Variants in MLC1 observed in about 807,000 individuals in gnomAD.
MLC1 encodes the protein modulator of VRAC current 1.
Under a neutral mutation model 44.7 loss-of-function variants are expected in MLC1, and 32 were observed. The ratio of observed to expected loss-of-function variants is 0.72; its 90% CI spans 0.54 to 0.96. MLC1 has a LOEUF of 0.96. Among genes scored for constraint, MLC1 ranks in the 40% least tolerant of loss-of-function variants. The pLI is 0.00. For missense variants in MLC1, 459 were observed against 492.2 expected, an observed-to-expected ratio of 0.93 and a Z score of 0.64; for synonymous variants, 190 against 213.0, an observed-to-expected ratio of 0.89 and a Z score of 0.94.
At chr22:50,064,312 G>C in intron 10 of MLC1, 114 bp from the exon 11 acceptor site, 1 of 1,309,850 alleles carries the variant, frequency 7.6e-7, no homozygotes, top group South Asian at 1.3e-5. Context: ...GCTCGAGTCG[G>C]AGCCCCAGTA....
chr22:50,085,783 G>A (rs1189840300), upstream of MLC1: 1 of 152,046 alleles, frequency 6.6e-6, no homozygotes, highest in Non-Finnish European at 1.5e-5. Context: ...TCCTTCACAC[G>A]GTCACATAAG....
intron 9 of MLC1, 76 bp downstream of exon 9, chr22:50,070,451 C>T (rs1044508974): frequency 1.5e-5 from 20 of 1,360,358 alleles, no homozygotes; most frequent in Admixed American, 7.9e-5. Context: ...GGTCACATGG[C>T]ACCAAGGGAG....
At chr22:50,073,559 G>A (rs6010257) in intron 8 of MLC1, among the ~76,000 whole-genome samples, 3 of 151,984 alleles carry the variant, frequency 2.0e-5, no homozygotes, top group African/African-American at 7.2e-5. Context: ...GGCAAAACCC[G>A]GTCTCTACTA....
chr22:50,076,171 A>G (rs1280364208), intron 7 of MLC1, among the ~76,000 whole-genome samples: 1 of 148,300 alleles, frequency 6.7e-6, no homozygotes, highest in African/African-American at 2.5e-5. Flanking sequence ...AAAGCTAGGG[A>G]GAGAGAATGA....
chr22:50,073,093 A>G (rs919716319), intron 8 of MLC1, among the ~76,000 whole-genome samples: 19 of 151,060 alleles, frequency 1.3e-4, no homozygotes, highest in Non-Finnish European at 2.4e-4. Flanking sequence ...ACCCGGCCAT[A>G]CCATTCCCGG....
intron 11 of MLC1, among the ~76,000 whole-genome samples, chr22:50,062,474 A>G (rs1487520707): frequency 6.6e-6 from 1 of 152,252 alleles, no homozygotes; most frequent in East Asian, 1.9e-4. Context: ...GAGACTGACC[A>G]CAGCCAGGAA....
intron 6 of MLC1, 82 bp downstream of exon 6, chr22:50,077,319 G>A (rs1403956591): frequency 7.9e-7 from 1 of 1,261,172 alleles, no homozygotes; most frequent in African/African-American, 1.5e-5. Context: ...GGCCCTCCGA[G>A]GGTGACGCTG....
chr22:50,076,803 A>C (rs375795957), intron 7 of MLC1, 38 bp downstream of exon 7: 1 of 1,600,814 alleles, frequency 6.2e-7, no homozygotes, highest in African/African-American at 1.3e-5. Flanking sequence ...CCCCCGACAG[A>C]GTATGAGAGA....
rs8140595 is a variant in MLC1 at position 50,077,611 on chromosome 22, C to T, written c.424-109G>A. ...GCAGGCTGCGCAGGACTCTCAGCCACGGTCCCCACTTTTCCCATCCAGGGC... is the reference window on the plus strand; with the variant it reads ...GCAGGCTGCGCAGGACTCTCAGCCATGGTCCCCACTTTTCCCATCCAGGGC... On this transcript the variant is annotated intron_variant, in intron 5 of 11. Coordinates refer to ENST00000311597, the MANE Select transcript of MLC1 (RefSeq NM_015166.4). 3,306 of 867,856 alleles carry T rather than the reference C, an allele frequency of 3.8e-3. 66 individuals carry two copies. The African/African-American group carries it at 0.048, about 13-fold the overall frequency. The allele number at this position is 867,856 out of a possible 1,614,324, so 53.8% of individuals were successfully genotyped here. A position where few individuals can be genotyped will look rare whatever the true frequency, so the allele number is the denominator to read the frequency against.
At chr22:50,070,205 A>G (rs573537468) in intron 9 of MLC1, among the ~76,000 whole-genome samples, 1 of 152,318 alleles carries the variant, frequency 6.6e-6, no homozygotes, top group Admixed American at 6.5e-5. Flanking sequence ...TGCATCTCAA[A>G]AAAGAAAAAA....
In MLC1 at chr22:50,076,827, G is replaced by A. The variant is rs1167233128; in HGVS notation, c.597+14C>T. 6.2e-7 allele frequency: 1 copy of A among 1,612,218 alleles called. No individual in the cohort carries two copies. ...GAGTATGAGAGAAAAGAGAAAGAAG[G>A]GAAGTTTTCTTACTGAGTAAGATTT... On this transcript the variant is annotated intron_variant, in intron 7 of 11. Transcript: ENST00000311597.
Position 50,083,118 on chromosome 22 carries a change from G to A in MLC1, c.233C>T (p.Ala78Val). 6.2e-7 allele frequency: 1 copy of A among 1,614,124 alleles called. No individual in the cohort carries two copies. Among genetic ancestry groups the A allele is most frequent in the Non-Finnish European group, 8.5e-7 (1 of 1,180,024 alleles). ...FSLYLGNVFP[A>V]EMDYLRCAAG... ...AGCACAGCGCAAGTAATCCATCTCA[G>A]CCGGGAACACGTTCCCCAGGTACAG... The change falls in exon 3 of 12, where the codon GCT becomes GTT. Residue 78 changes from alanine to valine, a missense_variant. Coordinates refer to ENST00000311597, the MANE Select transcript of MLC1 (RefSeq NM_015166.4). This position sits in a 1 kb window ranked among gnomAD's most constrained non-coding sequence, Gnocchi z 4.6.
At position 50,083,035 on chromosome 22, in the gene MLC1, C is replaced by T. The variant is rs972963053; in HGVS notation, c.267+49G>A. On this transcript the variant is annotated intron_variant, in intron 3 of 11. Transcript: ENST00000311597. This position sits in a 1 kb window ranked among gnomAD's most constrained non-coding sequence, Gnocchi z 4.6. ...ATCTCAGAACAAAGAAACCAGAGCA[C>T]GTGCCGGCGAGCTTGGGCACTGGCA... 1.5e-5 allele frequency: 23 copies of T among 1,547,606 alleles called. No homozygotes were observed. Among genetic ancestry groups the T allele is most frequent in the Middle Eastern group, 1.7e-4 (1 of 5,988 alleles).
chr22:50,084,447 T>C (rs1370352521), intron 2 of MLC1, among the ~76,000 whole-genome samples: 1 of 152,184 alleles, frequency 6.6e-6, no homozygotes, highest in African/African-American at 2.4e-5. Context: ...TGGAGACTCC[T>C]GGGGCCCATT....
In MLC1 at chr22:50,059,399, C is replaced by T. The variant is rs2061520080; in HGVS notation, c.*2184G>A. The T allele has an allele frequency of 6.6e-6, 1 of 152,356 alleles. No homozygotes were observed. The highest frequency in any genetic ancestry group is 2.4e-5 in the African/African-American group (1 of 41,438). The allele number at this position is 152,356 out of a possible 1,614,324, so 9.4% of individuals were successfully genotyped here. ...TATTAAATAGCCACAGCCACGTCTGCAAGTCAGCGTTTATTGCTCAAGCGT... is the reference window on the plus strand; with the variant it reads ...TATTAAATAGCCACAGCCACGTCTGTAAGTCAGCGTTTATTGCTCAAGCGT... On this transcript the variant is annotated 3_prime_UTR_variant, in exon 12 of 12. Transcript: ENST00000311597.
intron 9 of MLC1, 23 bp downstream of exon 9, chr22:50,070,504 C>G: frequency 6.4e-7 from 1 of 1,553,584 alleles, no homozygotes; most frequent in Non-Finnish European, 8.7e-7. Flanking sequence ...TCCCTGGCAC[C>G]CAGGGCTGAG....
chr22:50,081,869 C>G (rs1279986444), intron 3 of MLC1, among the ~76,000 whole-genome samples: 2 of 152,254 alleles, frequency 1.3e-5, no homozygotes, highest in African/African-American at 2.4e-5. Flanking sequence ...AGGGGCACAG[C>G]TCACAGCTCC....
Position 50,064,119 on chromosome 22 carries a change from T to A in MLC1, c.974A>T (p.Gln325Leu). ...QAGLNTGTAI[Q>L]CVRFKVSARL... ...TGCACTGACCTTGAAGCGCACGCAC[T>A]GGATGGCGGTGCCCGTGTTGAGGCC... Residue 325 changes from glutamine (Q) to leucine (L), a missense_variant, in exon 11 of 12, where the codon CAG becomes CTG. By Grantham distance (113) the Gln-to-Leu change is moderately radical (BLOSUM62 -2). Transcript: ENST00000311597. 1 of 1,610,134 alleles carries A rather than the reference T, an allele frequency of 6.2e-7. No homozygotes were observed. The highest frequency in any genetic ancestry group is 8.5e-7 in the Non-Finnish European group (1 of 1,179,860).
chr22:50,074,142 C>T, intron 8 of MLC1, 74 bp downstream of exon 8: 1 of 1,294,188 alleles, frequency 7.7e-7, no homozygotes, highest in Non-Finnish European at 1.1e-6. Context: ...CAAGACTGAG[C>T]TCGGGGCCCA....
Sources: gnomAD v4.1 joint callset for allele counts (sites outside exome capture counted in the v4.1 genomes callset) on GRCh38, gnomAD v4.1.1 for gene constraint, Gnocchi (gnomAD v3.1) non-coding constraint, MANE v1.5 for transcripts, NCBI Gene and HGNC (gene_info 2026-07-23, HGNC 2026-07-21) for gene names.